ZNF148: variants seen among roughly 807,000 people sequenced by gnomAD.
ZNF148 encodes the protein Beta-Enolase Repressor Factor-1.
Under a neutral mutation model 67.7 loss-of-function variants are expected in ZNF148, and 7 were observed. That is an observed-to-expected ratio of 0.10 (90% CI 0.06 to 0.19). ZNF148 has a LOEUF of 0.19. Among genes scored for constraint, ZNF148 ranks in the 10% least tolerant of loss-of-function variants. The pLI is 1.00. For synonymous variants in ZNF148, 333 were observed against 330.7 expected (o/e 1.01, Z -0.08); for missense variants, 583 against 947.1 (o/e 0.62, Z 5.05).
chr3:125,366,018 C>T (rs992145348), intron 1 of ZNF148, among the ~76,000 whole-genome samples: 1 of 152,138 alleles, frequency 6.6e-6, no homozygotes, highest in Non-Finnish European at 1.5e-5. Flanking sequence ...TCTTACTCTA[C>T]CACCACATTA....
chr3:125,329,348 TA>T (rs1941177991), intron 2 of ZNF148, among the ~76,000 whole-genome samples: 1 of 15,958 alleles, frequency 6.3e-5, no homozygotes, highest in Non-Finnish European at 1.4e-4. Flanking sequence ...TATAAAATTT[TA>T]CATATATAAA....
rs530380872 is a variant in ZNF148, at chr3:125,253,095, T to C, written c.668-18766A>G. Reference sequence around the variant, plus strand: ...TTTAACTGAAATTGCATTTAATTCATAGATCAGTTAGTAGGATAGACTAAC... The same window carrying C: ...TTTAACTGAAATTGCATTTAATTCACAGATCAGTTAGTAGGATAGACTAAC... On this transcript the variant is annotated intron_variant, in intron 7 of 8. Transcript: ENST00000360647. Among the ~76,000 whole-genome samples, 4 of 152,306 alleles carry C rather than the reference T, an allele frequency of 2.6e-5. No individual in the cohort carries two copies. In the East Asian group the frequency reaches 5.8e-4, roughly 22 times the overall value.
chr3:125,265,339 C>CGCATCTCCTTAATAACA (rs1007044982), intron 7 of ZNF148, among the ~76,000 whole-genome samples: 1 of 152,226 alleles, frequency 6.6e-6, no homozygotes, highest in African/African-American at 2.4e-5. Flanking sequence ...TGCCTGGCAT[C>CGCATCTCCTTAATAACA]GCATCTCCTT....
chr3:125,295,035 T>C (rs894842711), intron 4 of ZNF148, among the ~76,000 whole-genome samples: 1 of 152,220 alleles, frequency 6.6e-6, no homozygotes, highest in Non-Finnish European at 1.5e-5. Context: ...TATTTAAAAA[T>C]GCTTTTTATA....
chr3:125,309,249 T>C (rs554031867), intron 4 of ZNF148, among the ~76,000 whole-genome samples: 1 of 152,304 alleles, frequency 6.6e-6, no homozygotes, highest in South Asian at 2.1e-4. Flanking sequence ...AAAAACAGAA[T>C]GTATATTTTC....
chr3:125,238,058 T>C (rs548276709), intron 7 of ZNF148, among the ~76,000 whole-genome samples: 1 of 152,084 alleles, frequency 6.6e-6, no homozygotes, highest in East Asian at 1.9e-4. Flanking sequence ...ACAAATTTGA[T>C]ACCCACATAC....
At chr3:125,253,288 C>T (rs1419291896) in intron 7 of ZNF148, among the ~76,000 whole-genome samples, 1 of 152,062 alleles carries the variant, frequency 6.6e-6, no homozygotes, top group Admixed American at 6.6e-5. Flanking sequence ...ATGTTCTATT[C>T]ATTGGTATAC....
chr3:125,329,840 G>C (rs1232086244), intron 2 of ZNF148, among the ~76,000 whole-genome samples: 1 of 152,072 alleles, frequency 6.6e-6, no homozygotes, highest in Admixed American at 6.5e-5. Flanking sequence ...CAAAAATGTG[G>C]AAGTTTATTT....
chr3:125,283,284 TTC>T (rs1443726741), intron 5 of ZNF148, among the ~76,000 whole-genome samples: 1 of 152,142 alleles, frequency 6.6e-6, no homozygotes, highest in Admixed American at 6.5e-5. Flanking sequence ...TTTTTATTGT[TTC>T]TCAGTACTAG....
intron 7 of ZNF148, among the ~76,000 whole-genome samples, chr3:125,247,411 C>T (rs931175562): frequency 2.6e-5 from 4 of 152,012 alleles, no homozygotes; most frequent in African/African-American, 9.7e-5. Context: ...TCTCAAGTTT[C>T]TTAGGATGAA....
At chr3:125,326,883 G>A (rs1310833581) in intron 2 of ZNF148, among the ~76,000 whole-genome samples, 1 of 149,250 alleles carries the variant, frequency 6.7e-6, no homozygotes, top group South Asian at 2.1e-4. Flanking sequence ...TATAGTGTGT[G>A]TGTGTAGCAG....
In ZNF148 at chr3:125,231,910, C is replaced by T. The variant is rs1194524466; in HGVS notation, c.*431G>A. 1.3e-5 allele frequency: 2 copies of T among 157,102 alleles called. No homozygotes were observed. The highest frequency in any genetic ancestry group is 2.8e-5 in the Non-Finnish European group (2 of 70,788). 9.7% of individuals were successfully genotyped at this position (157,102 alleles called of 1,614,324 possible). ...TCTCTTGACATTAAACTTTTAAGTT[C>T]ACTCTGTCTGTAAAGTATACTCAGA... On this transcript the variant is annotated 3_prime_UTR_variant, in exon 9 of 9. Transcript: ENST00000360647.
intron 5 of ZNF148, 122 bp from the exon 6 acceptor site, chr3:125,279,369 T>G (rs1938252922): frequency 2.4e-6 from 2 of 827,246 alleles, no homozygotes; most frequent in African/African-American, 3.5e-5. Context: ...TATTTTGTTC[T>G]TAAATGATCT....
intron 4 of ZNF148, among the ~76,000 whole-genome samples, chr3:125,288,800 G>A (rs1938848596): frequency 6.6e-6 from 1 of 151,988 alleles, no homozygotes; most frequent in African/African-American, 2.4e-5. Flanking sequence ...GTACTTTCCT[G>A]GGCTCTACAA....
chr3:125,232,547 T>C lies in ZNF148; in HGVS notation c.2179A>G (p.Ser727Gly), dbSNP rs1935900771. 1.2e-6 allele frequency: 2 copies of C among 1,613,754 alleles called. No homozygotes were observed. The highest frequency in any genetic ancestry group is 2.2e-5 in the South Asian group (2 of 91,080). ...AQPVHQAYQM[S>G]SFEQPFRAPY... ...GCACGGAAGGGCTGTTCAAAGGAGC[T>C]CATTTGGTAAGCTTGGTGGACAGGC... is the stretch of plus-strand genomic sequence containing the variant. The change falls in exon 9 of 9, where the codon AGC (serine) becomes GGC (glycine). Residue 727 changes from serine to glycine, a missense_variant. Physicochemically the swap from Ser to Gly is moderately conservative, Grantham distance 56. Coordinates refer to ENST00000360647, the MANE Select transcript of ZNF148 (RefSeq NM_021964.3). The surrounding 1 kb of genome is among the most constrained non-coding windows in gnomAD (Gnocchi z 4.2).
chr3:125,313,827 G>T (rs987468037), intron 3 of ZNF148, among the ~76,000 whole-genome samples, 171 bp from the exon 4 acceptor site: 1 of 151,988 alleles, frequency 6.6e-6, no homozygotes, highest in African/African-American at 2.4e-5. Flanking sequence ...TCCAAAGGCT[G>T]GTAGAATAAA....
At chr3:125,242,624 T>C (rs1447013361) in intron 7 of ZNF148, among the ~76,000 whole-genome samples, 2 of 152,142 alleles carry the variant, frequency 1.3e-5, no homozygotes, top group Admixed American at 6.5e-5. Flanking sequence ...GGTGAGACTC[T>C]TGTCTCAAAA....
chr3:125,275,946 G>A (rs1403522505), intron 7 of ZNF148, among the ~76,000 whole-genome samples: 3 of 152,098 alleles, frequency 2.0e-5, no homozygotes. Context: ...CTTCCTCAGG[G>A]CACAATAGTA....
At chr3:125,290,757 A>G (rs185495676) in intron 4 of ZNF148, among the ~76,000 whole-genome samples, 71 of 152,246 alleles carry the variant, frequency 4.7e-4, no homozygotes, top group African/African-American at 1.6e-3. Flanking sequence ...CAGGGTTCTG[A>G]TGCATTACCA....
Sources: gnomAD v4.1 joint callset for allele counts (sites outside exome capture counted in the v4.1 genomes callset) on GRCh38, gnomAD v4.1.1 for gene constraint, Gnocchi (gnomAD v3.1) non-coding constraint, MANE v1.5 for transcripts, NCBI Gene and HGNC (gene_info 2026-07-23, HGNC 2026-07-21) for gene names.